Variants in CNTNAP5 observed in about 807,000 individuals in gnomAD.
CNTNAP5 encodes the protein contactin associated protein family member 5.
Under a neutral mutation model 150.2 loss-of-function variants are expected in CNTNAP5, and 72 were observed. That is an observed-to-expected ratio of 0.48 (90% CI 0.40 to 0.58). The LOEUF (loss-of-function observed/expected upper bound fraction) is 0.58, where lower values mean the gene tolerates loss of function less well. Among genes scored for constraint, CNTNAP5 ranks in the 20% least tolerant of loss-of-function variants. The pLI is 0.00. For synonymous variants in CNTNAP5, 672 were observed against 619.8 expected (o/e 1.08, Z -1.25); for missense variants, 1,636 against 1,626.2 (o/e 1.01, Z -0.10).
At chr2:124,656,567 G>T (rs1678462644) in intron 13 of CNTNAP5, among the ~76,000 whole-genome samples, 1 of 152,086 alleles carries the variant, frequency 6.6e-6, no homozygotes, top group South Asian at 2.1e-4. Flanking sequence ...TTACCAACAA[G>T]GTGGATAACT....
intron 2 of CNTNAP5, among the ~76,000 whole-genome samples, chr2:124,232,839 CTT>C (rs1330818492): frequency 6.6e-6 from 1 of 152,080 alleles, no homozygotes; most frequent in Non-Finnish European, 1.5e-5. Context: ...TCTGGGGTAT[CTT>C]TATTGGTGTG....
chr2:124,180,164 G>T (rs1040713435), intron 1 of CNTNAP5, among the ~76,000 whole-genome samples: 1 of 152,088 alleles, frequency 6.6e-6, no homozygotes, highest in Non-Finnish European at 1.5e-5. Flanking sequence ...CATGCACAAT[G>T]GTCTTTGACA....
chr2:124,736,699 A>G (rs1269354837), intron 13 of CNTNAP5, among the ~76,000 whole-genome samples: 2 of 152,220 alleles, frequency 1.3e-5, no homozygotes, highest in African/African-American at 4.8e-5. Context: ...AATGGCAAAG[A>G]TGAATGCACC....
chr2:124,895,922 G>A (rs1477216517), intron 21 of CNTNAP5, among the ~76,000 whole-genome samples: 1 of 151,520 alleles, frequency 6.6e-6, no homozygotes, highest in Non-Finnish European at 1.5e-5. Context: ...AATGCTTGGG[G>A]GAAGGCCAAT....
intron 1 of CNTNAP5, among the ~76,000 whole-genome samples, chr2:124,087,325 T>C (rs1682714823): frequency 6.6e-6 from 1 of 151,948 alleles, no homozygotes. Context: ...TTTTTCTTTC[T>C]ATTTAGATAA....
At chr2:124,044,505 A>C (rs963295334) in intron 1 of CNTNAP5, among the ~76,000 whole-genome samples, 16 of 152,196 alleles carry the variant, frequency 1.1e-4, no homozygotes, top group African/African-American at 3.9e-4. Context: ...ACCAATTCTA[A>C]ACCAGGAACT....
At chr2:124,191,508 T>G (rs988142454) in intron 1 of CNTNAP5, among the ~76,000 whole-genome samples, 7 of 152,154 alleles carry the variant, frequency 4.6e-5, no homozygotes, top group African/African-American at 1.7e-4. Context: ...ATATCATATG[T>G]ATAGTCAAGT....
chr2:124,032,917 C>A (rs1681102877), intron 1 of CNTNAP5, among the ~76,000 whole-genome samples: 1 of 152,150 alleles, frequency 6.6e-6, no homozygotes, highest in South Asian at 2.1e-4. Flanking sequence ...TGGTTTTTGT[C>A]AGCAGAGTGA....
chr2:124,037,151 A>G (rs1681244665), intron 1 of CNTNAP5, among the ~76,000 whole-genome samples: 1 of 152,184 alleles, frequency 6.6e-6, no homozygotes, highest in Admixed American at 6.5e-5. Context: ...GCTGTTTATA[A>G]AAGTTGCTTG....
chr2:124,293,243 A>G (rs1326173773), intron 3 of CNTNAP5, among the ~76,000 whole-genome samples: 4 of 152,026 alleles, frequency 2.6e-5, no homozygotes, highest in African/African-American at 4.8e-5. Context: ...GGATAGTTCT[A>G]CTTCCTCTAC....
At position 124,599,005 on chromosome 2, in the gene CNTNAP5, C is replaced by T. The variant is rs184895982; in HGVS notation, c.1757-10796C>T. Among the ~76,000 whole-genome samples the T allele has an allele frequency of 4.0e-3, 612 of 152,120 alleles. 9 individuals carry two copies. The East Asian group carries it at 0.047, about 12-fold the overall frequency. Reference sequence around the variant, plus strand: ...CAATGCCTCGCCCTGCTTCGGCTCACGCACGGTGCGCACACCCACTGGCCT... The same window carrying T: ...CAATGCCTCGCCCTGCTTCGGCTCATGCACGGTGCGCACACCCACTGGCCT... On this transcript the variant is annotated intron_variant, in intron 11 of 23. Transcript: ENST00000682447.
intron 1 of CNTNAP5, among the ~76,000 whole-genome samples, chr2:124,082,851 T>A (rs1682591517): frequency 6.6e-6 from 1 of 152,118 alleles, no homozygotes; most frequent in South Asian, 2.1e-4. Context: ...GCTCTATAGT[T>A]ACATCTCATT....
intron 1 of CNTNAP5, among the ~76,000 whole-genome samples, chr2:124,056,267 C>G (rs1466158147): frequency 2.6e-5 from 4 of 152,180 alleles, no homozygotes; most frequent in Non-Finnish European, 5.9e-5. Flanking sequence ...ACCATCTCCT[C>G]TCACTAGCCA....
At chr2:124,359,406 A>G (rs903700609) in intron 3 of CNTNAP5, among the ~76,000 whole-genome samples, 2 of 151,276 alleles carry the variant, frequency 1.3e-5, no homozygotes, top group African/African-American at 2.4e-5. Context: ...TAGGGTGTCA[A>G]TTTTGGATCT....
At chr2:124,152,739 C>A (rs1309626148) in intron 1 of CNTNAP5, among the ~76,000 whole-genome samples, 2 of 152,052 alleles carry the variant, frequency 1.3e-5, no homozygotes, top group African/African-American at 4.8e-5. Flanking sequence ...ATTGGAGGGA[C>A]CACGGACAGA....
At chr2:124,160,338 G>A (rs1200299921) in intron 1 of CNTNAP5, among the ~76,000 whole-genome samples, 1 of 152,128 alleles carries the variant, frequency 6.6e-6, no homozygotes, top group Non-Finnish European at 1.5e-5. Context: ...TGGGCTAATA[G>A]AGAATAAGAC....
chr2:124,594,269 G>T (rs1696769901), intron 11 of CNTNAP5, among the ~76,000 whole-genome samples: 2 of 135,044 alleles, frequency 1.5e-5, no homozygotes, highest in South Asian at 2.7e-4. Flanking sequence ...TATGGTTTTA[G>T]GTCTAACGTT....
chr2:124,809,142 G>A (rs1354657335), intron 19 of CNTNAP5, among the ~76,000 whole-genome samples: 1 of 152,138 alleles, frequency 6.6e-6, no homozygotes, highest in Non-Finnish European at 1.5e-5. Context: ...CTACTGGCCT[G>A]CGTAGCTCCT....
At chr2:124,796,944 G>A (rs1681858108) in intron 18 of CNTNAP5, among the ~76,000 whole-genome samples, 1 of 152,166 alleles carries the variant, frequency 6.6e-6, no homozygotes, top group African/African-American at 2.4e-5. Context: ...TTGATCTAAG[G>A]AGAGTATCTC....
Sources: allele counts gnomAD v4.1 joint callset (sites outside exome capture counted in the v4.1 genomes callset), GRCh38; gene constraint gnomAD v4.1.1; transcripts MANE v1.5; gene names NCBI Gene and HGNC (gene_info 2026-07-23, HGNC 2026-07-21).